ZNF124: variants seen among roughly 807,000 people sequenced by gnomAD.
The protein encoded by ZNF124 is zinc finger protein 124.
Under a neutral mutation model 26.6 loss-of-function variants are expected in ZNF124, and 25 were observed. The observed-to-expected ratio is 0.94, with a 90% CI of 0.68 to 1.31. ZNF124 has a LOEUF of 1.31. Among genes scored for constraint, ZNF124 ranks in the 40% most tolerant of loss-of-function variants. ZNF124 has a pLI of 0.00. For synonymous variants in ZNF124, 129 were observed against 133.3 expected (o/e 0.97, Z 0.22); for missense variants, 444 against 422.2 (o/e 1.05, Z -0.45).
At chr1:247,169,888 GTCCCAGGGGAT>G (rs1218220321) in intron 1 of ZNF124, among the ~76,000 whole-genome samples, 1 of 108,532 alleles carries the variant, frequency 9.2e-6, no homozygotes, top group Non-Finnish European at 1.9e-5. Flanking sequence ...ACTCCTCTCG[GTCCCAGGGGAT>G]TCATGCCATC....
chr1:247,157,314 G>T lies in ZNF124; in HGVS notation c.308C>A (p.Ser103Tyr), dbSNP rs2103120532. ...TCTGTGAACCCTTGTGACAGAAAGGGAAGTTTTCTGACATTGTTTACATGT... is the reference window on the plus strand; with the variant it reads ...TCTGTGAACCCTTGTGACAGAAAGGTAAGTTTTCTGACATTGTTTACATGT... Reference protein sequence around the residue: ...PCTCKQCQKTSLSVTRVHRDT... With the variant: ...PCTCKQCQKTYLSVTRVHRDT... The change falls in exon 4 of 4, where the codon TCC becomes TAC. Residue 103 changes from serine to tyrosine, a missense_variant. Ser to Tyr is a moderately radical substitution (Grantham distance 144). Coordinates refer to ENST00000543802, the MANE Select transcript of ZNF124 (RefSeq NM_001297568.2). The T allele has an allele frequency of 6.3e-7, 1 of 1,585,030 alleles. No homozygotes were observed. Among genetic ancestry groups the T allele is most frequent in the Non-Finnish European group, 8.6e-7 (1 of 1,163,754 alleles).
At chr1:247,169,076 CTTCT>C (rs1037562272) in intron 1 of ZNF124, among the ~76,000 whole-genome samples, 1 of 152,122 alleles carries the variant, frequency 6.6e-6, no homozygotes, top group Admixed American at 6.5e-5. Context: ...AAAATATCCA[CTTCT>C]TTCTTTGCCT....
chr1:247,148,861 T>C (rs1672854215), intron 3 of ZNF124, among the ~76,000 whole-genome samples: 1 of 151,784 alleles, frequency 6.6e-6, no homozygotes, highest in African/African-American at 2.4e-5. Flanking sequence ...GCCCAGCTAC[T>C]CTGGAGGCTG....
At position 247,155,963 on chromosome 1, in the gene ZNF124, A is replaced by G; in HGVS notation, c.*603T>C. Reference sequence around the variant, plus strand: ...CAAAAATGAGCAACCAATATATTCAATTTATTTATAGCTCCTAAAACATCT... The same window carrying G: ...CAAAAATGAGCAACCAATATATTCAGTTTATTTATAGCTCCTAAAACATCT... On this transcript the variant is annotated 3_prime_UTR_variant, in exon 4 of 4. Coordinates refer to ENST00000543802, the MANE Select transcript of ZNF124 (RefSeq NM_001297568.2). The G allele has an allele frequency of 1.1e-6, 1 of 940,896 alleles. No individual in the cohort carries two copies. The highest frequency in any genetic ancestry group is 1.3e-6 in the Non-Finnish European group (1 of 789,634). 58.3% of individuals were successfully genotyped at this position (940,896 alleles called of 1,614,324 possible). A position where few individuals can be genotyped will look rare whatever the true frequency, so the allele number is the denominator to read the frequency against.
intron 3 of ZNF124, among the ~76,000 whole-genome samples, chr1:247,136,047 T>G (rs1672474311): frequency 6.6e-6 from 1 of 152,166 alleles, no homozygotes; most frequent in Non-Finnish European, 1.5e-5. Context: ...AAGAGCTATT[T>G]ATGACAACCC....
intron 3 of ZNF124, among the ~76,000 whole-genome samples, chr1:247,131,680 A>G (rs1263429126): frequency 1.3e-5 from 2 of 152,232 alleles, no homozygotes; most frequent in Admixed American, 1.3e-4. Context: ...TTGCAGCCAG[A>G]GTGCCTCTTC....
At chr1:247,135,911 A>G (rs1252638654) in intron 3 of ZNF124, among the ~76,000 whole-genome samples, 2 of 152,232 alleles carry the variant, frequency 1.3e-5, no homozygotes, top group Non-Finnish European at 2.9e-5. Context: ...AGATAAAGAG[A>G]ACCAAAGACA....
chr1:247,159,326 G>A (rs1033976071), intron 2 of ZNF124, among the ~76,000 whole-genome samples: 2 of 152,172 alleles, frequency 1.3e-5, no homozygotes, highest in African/African-American at 4.8e-5. Context: ...ATAAAAGCAA[G>A]TTTAGCTCCC....
At chr1:247,160,806 C>T (rs956670228) in intron 1 of ZNF124, among the ~76,000 whole-genome samples, 8 of 152,166 alleles carry the variant, frequency 5.3e-5, no homozygotes, top group East Asian at 1.9e-4. Context: ...GCCCAATCCA[C>T]GTGGTTACAC....
At chr1:247,162,359 A>C (rs1476553701) in intron 1 of ZNF124, among the ~76,000 whole-genome samples, 1 of 152,188 alleles carries the variant, frequency 6.6e-6, no homozygotes, top group African/African-American at 2.4e-5. Flanking sequence ...TGTCTTCAAG[A>C]GACCCATCTC....
chr1:247,141,657 G>A (rs1287186478), intron 3 of ZNF124, among the ~76,000 whole-genome samples: 2 of 152,238 alleles, frequency 1.3e-5, no homozygotes, highest in South Asian at 2.1e-4. Flanking sequence ...CTACTGGTGG[G>A]TATGCTCAGC....
intron 3 of ZNF124, among the ~76,000 whole-genome samples, chr1:247,146,125 CTGAAGTT>C (rs1276694895): frequency 6.6e-6 from 1 of 152,204 alleles, no homozygotes; most frequent in African/African-American, 2.4e-5. Context: ...ATGGCTGACA[CTGAAGTT>C]CAGAAGCCAC....
chr1:247,137,736 T>G (rs1022284782), intron 3 of ZNF124, among the ~76,000 whole-genome samples: 1 of 151,908 alleles, frequency 6.6e-6, no homozygotes, highest in Admixed American at 6.6e-5. Context: ...TATCCAGAAT[T>G]TACAAGGAAC....
chr1:247,137,812 C>G (rs1672523435), intron 3 of ZNF124, among the ~76,000 whole-genome samples: 1 of 152,162 alleles, frequency 6.6e-6, no homozygotes, highest in Non-Finnish European at 1.5e-5. Context: ...TGAATAGACA[C>G]TTCTCAAAAG....
chr1:247,126,258 A>G (rs1043359871), intron 3 of ZNF124, among the ~76,000 whole-genome samples: 1 of 131,814 alleles, frequency 7.6e-6, no homozygotes, highest in African/African-American at 3.0e-5. Flanking sequence ...CTTGGAGAAG[A>G]GCTGTAGCCA....
intron 1 of ZNF124, among the ~76,000 whole-genome samples, chr1:247,169,519 T>G (rs1236902496): frequency 6.6e-6 from 1 of 152,094 alleles, no homozygotes; most frequent in Admixed American, 6.5e-5. Context: ...GACACCAGTG[T>G]CTCTCCCAGT....
At chr1:247,139,400 T>C (rs936357028) in intron 3 of ZNF124, among the ~76,000 whole-genome samples, 16 of 152,370 alleles carry the variant, frequency 1.1e-4, no homozygotes, top group African/African-American at 2.9e-4. Flanking sequence ...CCTAGGTCAC[T>C]GCATGGGTCT....
chr1:247,122,137 A>C (rs1254503848), exon 4 of ZNF124: 1 of 152,260 alleles, frequency 6.6e-6, no homozygotes, highest in Non-Finnish European at 1.5e-5. Context: ...AATGTTGATA[A>C]GAACAAATAC....
chr1:247,141,664 C>T (rs981889129), intron 3 of ZNF124, among the ~76,000 whole-genome samples: 1 of 152,120 alleles, frequency 6.6e-6, no homozygotes, highest in Non-Finnish European at 1.5e-5. Flanking sequence ...TGGGTATGCT[C>T]AGCCATGGGA....
Sources: allele counts gnomAD v4.1 joint callset (sites outside exome capture counted in the v4.1 genomes callset), GRCh38; gene constraint gnomAD v4.1.1; transcripts MANE v1.5; gene names NCBI Gene and HGNC (gene_info 2026-07-23, HGNC 2026-07-21).